Variants in NLGN1 observed in about 807,000 individuals in gnomAD.
NLGN1 encodes neuroligin 1.
NLGN1 carries 12 observed loss-of-function variants against 65.5 expected under a neutral mutation model. The observed-to-expected ratio is 0.18, with a 90% confidence interval of 0.12 to 0.30. The LOEUF (loss-of-function observed/expected upper bound fraction) is 0.30, where lower values mean the gene tolerates loss of function less well. Among genes scored for constraint, NLGN1 ranks in the 10% least tolerant of loss-of-function variants. The pLI is 1.00. For synonymous variants in NLGN1, 350 were observed against 359.5 expected, an observed-to-expected ratio of 0.97 and a Z score of 0.30; for missense variants, 750 against 1,007.1, an observed-to-expected ratio of 0.74 and a Z score of 3.46.
intron 4 of NLGN1, among the ~76,000 whole-genome samples, chr3:173,830,851 G>T (rs936867687): frequency 6.6e-6 from 1 of 152,168 alleles, no homozygotes; most frequent in Non-Finnish European, 1.5e-5. Flanking sequence ...ACTAGTCCAT[G>T]TTTACCTTGT....
At chr3:173,435,653 G>A (rs1447275039) in intron 2 of NLGN1, among the ~76,000 whole-genome samples, 1 of 152,072 alleles carries the variant, frequency 6.6e-6, no homozygotes, top group Non-Finnish European at 1.5e-5. Flanking sequence ...TAGCCAACAT[G>A]GTGAAACCTT....
intron 4 of NLGN1, among the ~76,000 whole-genome samples, chr3:173,962,010 A>G (rs779179847): frequency 1.3e-4 from 20 of 152,076 alleles, no homozygotes; most frequent in Non-Finnish European, 2.6e-4. Context: ...TGGAAAGGAG[A>G]TGAAAAAAAA....
At chr3:173,840,276 T>TA (rs1215673525) in intron 4 of NLGN1, among the ~76,000 whole-genome samples, 6 of 152,140 alleles carry the variant, frequency 3.9e-5, no homozygotes, top group East Asian at 3.9e-4. Flanking sequence ...AATAATAACT[T>TA]ACAACAAGCA....
In NLGN1 at chr3:174,107,013, CACACAGAGAGAG is replaced by C. The variant is rs1239646544; in HGVS notation, c.647-168300_647-168289del. Among the ~76,000 whole-genome samples the C allele has an allele frequency of 1.9e-3, 191 of 100,552 alleles. No homozygotes were observed. The Middle Eastern group carries it at 0.021, about 11-fold the overall frequency. The allele number at this position is 100,552 out of a possible 152,430, so 66.0% of individuals were successfully genotyped here. Reference sequence around the variant, plus strand: ...ACACACACACACACACACACACACACACACAGAGAGAGAGAGAGAGAGAGAGAGAGAGAGAGA... The same window carrying C: ...ACACACACACACACACACACACACACAGAGAGAGAGAGAGAGAGAGAGAGA... On this transcript the variant is annotated intron_variant, in intron 4 of 6. Coordinates refer to ENST00000457714, the Ensembl canonical transcript of NLGN1.
intron 3 of NLGN1, among the ~76,000 whole-genome samples, chr3:173,705,747 T>G (rs868023588): frequency 1.3e-5 from 2 of 149,028 alleles, no homozygotes; most frequent in Non-Finnish European, 3.0e-5. Flanking sequence ...CTACCCATCC[T>G]TTTTTTTTTC....
At chr3:174,187,003 C>A (rs1731526220) in intron 4 of NLGN1, among the ~76,000 whole-genome samples, 2 of 151,914 alleles carry the variant, frequency 1.3e-5, no homozygotes, top group Admixed American at 1.3e-4. Flanking sequence ...TTGCATATAA[C>A]CTATACACAT....
intron 4 of NLGN1, among the ~76,000 whole-genome samples, chr3:174,076,861 T>C (rs1741119180): frequency 6.6e-6 from 1 of 152,090 alleles, no homozygotes. Context: ...TCTATCTATG[T>C]GGCTGTTACT....
intron 2 of NLGN1, among the ~76,000 whole-genome samples, chr3:173,517,734 C>G (rs1734033501): frequency 6.7e-6 from 1 of 148,790 alleles, no homozygotes; most frequent in African/African-American, 2.5e-5. Flanking sequence ...CTTTTCTGCA[C>G]TTTGCTTTCG....
At chr3:173,539,734 A>G (rs1738352869) in intron 2 of NLGN1, among the ~76,000 whole-genome samples, 1 of 136,646 alleles carries the variant, frequency 7.3e-6, no homozygotes, top group African/African-American at 2.7e-5. Flanking sequence ...GCACATATAT[A>G]CATATATGTA....
At chr3:173,651,369 G>A (rs1233410685) in intron 3 of NLGN1, among the ~76,000 whole-genome samples, 1 of 151,656 alleles carries the variant, frequency 6.6e-6, no homozygotes, top group Non-Finnish European at 1.5e-5. Flanking sequence ...ATCTGTTGAT[G>A]GACAGTTAGG....
At chr3:174,070,733 A>G (rs191542497) in intron 4 of NLGN1, among the ~76,000 whole-genome samples, 1 of 152,294 alleles carries the variant, frequency 6.6e-6, no homozygotes, top group Admixed American at 6.5e-5. Flanking sequence ...ATAAACTGAT[A>G]AATTACTATG....
intron 4 of NLGN1, among the ~76,000 whole-genome samples, chr3:174,213,079 C>T (rs533744291): frequency 1.3e-5 from 2 of 152,242 alleles, no homozygotes; most frequent in African/African-American, 2.4e-5. Context: ...TCTCCTTTGC[C>T]ACATATGGTA....
intron 4 of NLGN1, among the ~76,000 whole-genome samples, chr3:174,247,734 C>T (rs972160748): frequency 2.6e-5 from 4 of 152,168 alleles, no homozygotes; most frequent in Non-Finnish European, 5.9e-5. Context: ...AAAGCTATCT[C>T]AGGAAACCAA....
chr3:173,650,366 T>C lies in NLGN1; in HGVS notation c.493+45275T>C, dbSNP rs140548054. On this transcript the variant is annotated intron_variant, in intron 3 of 6. Transcript: ENST00000457714. ...TGTAGATATAGATCTGGAATAGATATAGGAAGTTTATTTTTAGGGGAAATT... is the reference window on the plus strand; with the variant it reads ...TGTAGATATAGATCTGGAATAGATACAGGAAGTTTATTTTTAGGGGAAATT... Among the ~76,000 whole-genome samples the C allele has an allele frequency of 2.0e-5, 3 of 152,320 alleles. No homozygotes were observed. The East Asian group carries it at 5.8e-4, about 29-fold the overall frequency.
At chr3:173,515,430 G>A (rs1014978549) in intron 2 of NLGN1, among the ~76,000 whole-genome samples, 1 of 152,068 alleles carries the variant, frequency 6.6e-6, no homozygotes, top group Non-Finnish European at 1.5e-5. Context: ...CTCTCATTAT[G>A]TAGGTTGCTT....
intron 4 of NLGN1, among the ~76,000 whole-genome samples, chr3:174,067,176 C>T (rs1738800460): frequency 6.6e-6 from 1 of 152,088 alleles, no homozygotes; most frequent in African/African-American, 2.4e-5. Flanking sequence ...TCAGGTTTGG[C>T]AAATCCTGAT....
At chr3:173,400,081 A>T (rs1717377596) in intron 1 of NLGN1, among the ~76,000 whole-genome samples, 1 of 152,226 alleles carries the variant, frequency 6.6e-6, no homozygotes, top group South Asian at 2.1e-4. Context: ...AGTATTAGAA[A>T]CTGCAGCTGT....
In NLGN1 at chr3:173,953,538, C is replaced by CTTATTTAT. The variant is rs200683528; in HGVS notation, c.646+145709_646+145710insTTTATTTA. Among the ~76,000 whole-genome samples the CTTATTTAT allele has an allele frequency of 4.7e-3, 720 of 151,944 alleles. 6 individuals are homozygous for CTTATTTAT. Among genetic ancestry groups the CTTATTTAT allele is most frequent in the African/African-American group, 0.016 (673 of 41,432 alleles). ...GCCATTTTATTTATTTATTTATATA[C>CTTATTTAT]TTACTTACTTATTTATTTACTTATT... On this transcript the variant is annotated intron_variant, in intron 4 of 6. Transcript: ENST00000457714.
chr3:174,071,275 A>G (rs1210916342), intron 4 of NLGN1, among the ~76,000 whole-genome samples: 1 of 152,172 alleles, frequency 6.6e-6, no homozygotes, highest in Non-Finnish European at 1.5e-5. Context: ...ATGTTGGTAG[A>G]ATACTGAAGG....
Sources: allele counts gnomAD v4.1 joint callset (sites outside exome capture counted in the v4.1 genomes callset), GRCh38; gene constraint gnomAD v4.1.1; transcripts MANE v1.5; gene names NCBI Gene and HGNC (gene_info 2026-07-23, HGNC 2026-07-21).